The following MEMO1 variants were observed in gnomAD, a reference collection of about 807,000 sequenced individuals.
MEMO1 encodes the protein mediator of cell motility 1.
Under a neutral mutation model 45.2 loss-of-function variants are expected in MEMO1, and 6 were observed. That is an observed-to-expected ratio of 0.13 (90% CI 0.07 to 0.26). MEMO1 has a LOEUF of 0.26. Among genes scored for constraint, MEMO1 ranks in the 10% least tolerant of loss-of-function variants. The pLI is 1.00. For synonymous variants in MEMO1, 78 were observed against 124.3 expected, an observed-to-expected ratio of 0.63 and a Z score of 2.48; for missense variants, 184 against 370.5, an observed-to-expected ratio of 0.50 and a Z score of 4.13.
chr2:31,963,385 T>C, intron 2 of MEMO1: 1 of 1,089,518 alleles, frequency 9.2e-7, no homozygotes, highest in African/African-American at 1.6e-5. Context: ...GGACACTGAC[T>C]AATACTCCAA....
Position 31,961,095 on chromosome 2 carries a change from G to A in MEMO1, c.62-17712C>T, listed in dbSNP as rs78594448. On this transcript the variant is annotated intron_variant, in intron 2 of 9. Transcript: ENST00000404530. The stretch of plus-strand genomic sequence containing the variant: ...CAAGAGGCCAGGTGCAGTGACTCAC[G>A]CCTGTAAATCCCAGCACTTTGGGAG... Among the ~76,000 whole-genome samples, 892 of 152,272 alleles carry A rather than the reference G, an allele frequency of 5.9e-3. 4 individuals are homozygous for A. Among genetic ancestry groups the A allele is most frequent in the Middle Eastern group, 0.017 (5 of 292 alleles).
At chr2:31,871,986 C>G (rs1385373422) in intron 8 of MEMO1, among the ~76,000 whole-genome samples, 2 of 143,588 alleles carry the variant, frequency 1.4e-5, no homozygotes, top group Non-Finnish European at 3.0e-5. Flanking sequence ...TGCACTCCAG[C>G]CTGGGCGACA....
At position 31,875,827 on chromosome 2, in the gene MEMO1, C is replaced by A. The variant is rs140433826; in HGVS notation, c.658-5875G>T. ...TCAGCCTCCCGAGTAGCTGGGACTA[C>A]AGGCATGCACCACCATGCCCGACTA... On this transcript the variant is annotated intron_variant, in intron 8 of 9. Transcript: ENST00000404530. Among the ~76,000 whole-genome samples the A allele has an allele frequency of 9.7e-3, 1,469 of 152,198 alleles. 26 individuals are homozygous for A. The highest frequency in any genetic ancestry group is 0.047 in the South Asian group (225 of 4,810).
rs115203172 is a variant in MEMO1, at chr2:31,906,686, C to T, written c.437+11240G>A. On this transcript the variant is annotated intron_variant, in intron 6 of 9. Coordinates refer to ENST00000404530, the MANE Select transcript of MEMO1 (RefSeq NM_001301833.4). ...TTCCTTTGCTAAGAACTTTTATTAGCTCTGTACCAGTCACAGAATAAAATA... is the reference window on the plus strand; with the variant it reads ...TTCCTTTGCTAAGAACTTTTATTAGTTCTGTACCAGTCACAGAATAAAATA... Among the ~76,000 whole-genome samples the T allele has an allele frequency of 8.5e-3, 1,297 of 152,260 alleles. 19 individuals carry two copies. Among genetic ancestry groups the T allele is most frequent in the African/African-American group, 0.03 (1,238 of 41,540 alleles).
chr2:31,874,234 C>T (rs561204967), intron 8 of MEMO1, among the ~76,000 whole-genome samples: 1 of 152,130 alleles, frequency 6.6e-6, no homozygotes, highest in Non-Finnish European at 1.5e-5. Context: ...ATAACTATGA[C>T]TAATATTTCA....
chr2:32,004,544 G>A (rs565114105), intron 2 of MEMO1, among the ~76,000 whole-genome samples: 1 of 152,300 alleles, frequency 6.6e-6, no homozygotes, highest in African/African-American at 2.4e-5. Flanking sequence ...GCAAAGATGA[G>A]AAGCAACTGG....
rs111316057 is a variant in MEMO1, at chr2:31,961,236, T to C, written c.62-17853A>G. Among the ~76,000 whole-genome samples, 441 of 152,154 alleles carry C rather than the reference T, an allele frequency of 2.9e-3. 4 individuals carry two copies. The highest frequency in any genetic ancestry group is 0.01 in the African/African-American group (417 of 41,518). Reference sequence around the variant, plus strand: ...AGCTGGGTGTGGCGGCAAGTGCCTATAATCTCAGCTACTCAGGAGGCTGAG... The same window carrying C: ...AGCTGGGTGTGGCGGCAAGTGCCTACAATCTCAGCTACTCAGGAGGCTGAG... On this transcript the variant is annotated intron_variant, in intron 2 of 9. Coordinates refer to ENST00000404530, the MANE Select transcript of MEMO1 (RefSeq NM_001301833.4).
At chr2:31,941,641 G>C (rs977192740) in intron 3 of MEMO1, among the ~76,000 whole-genome samples, 1 of 152,206 alleles carries the variant, frequency 6.6e-6, no homozygotes, top group African/African-American at 2.4e-5. Flanking sequence ...GTCATTTGCT[G>C]TAAGTTTTAT....
At chr2:31,947,309 G>C (rs988206484) in intron 2 of MEMO1, among the ~76,000 whole-genome samples, 1 of 152,150 alleles carries the variant, frequency 6.6e-6, no homozygotes, top group Non-Finnish European at 1.5e-5. Flanking sequence ...AGGACGCTAA[G>C]GTAAGAGCCA....
At chr2:32,007,188 TC>T (rs983510536) in intron 2 of MEMO1, among the ~76,000 whole-genome samples, 3 of 152,086 alleles carry the variant, frequency 2.0e-5, no homozygotes, top group African/African-American at 7.2e-5. Context: ...CTGTGTACCT[TC>T]CATTCTTATT....
intron 6 of MEMO1, among the ~76,000 whole-genome samples, chr2:31,901,374 C>CAAAAAAAA (rs70964738): frequency 2.2e-4 from 5 of 22,684 alleles, no homozygotes; most frequent in East Asian, 3.5e-3. Flanking sequence ...CTCTGTCTCA[C>CAAAAAAAA]AAAAAAAAAA....
intron 2 of MEMO1, among the ~76,000 whole-genome samples, chr2:31,993,949 C>CTTTCTTTTT: frequency 1.4e-5 from 1 of 73,556 alleles, no homozygotes; most frequent in Non-Finnish European, 2.7e-5. Flanking sequence ...TCAATACTTT[C>CTTTCTTTTT]TTTTTTTTTT....
intron 2 of MEMO1, among the ~76,000 whole-genome samples, chr2:32,009,833 G>A (rs947163361): frequency 1.4e-4 from 21 of 152,242 alleles, no homozygotes; most frequent in Non-Finnish European, 2.5e-4. Flanking sequence ...CACGCTTCCT[G>A]CAAGCCAGAG....
chr2:31,930,132 G>A (rs924002185), intron 4 of MEMO1, among the ~76,000 whole-genome samples: 2 of 152,152 alleles, frequency 1.3e-5, no homozygotes, highest in African/African-American at 4.8e-5. Flanking sequence ...GTGTGGTGGC[G>A]TGCACCTGTA....
At chr2:31,948,670 G>A (rs934514244) in intron 2 of MEMO1, among the ~76,000 whole-genome samples, 4 of 152,326 alleles carry the variant, frequency 2.6e-5, no homozygotes, top group African/African-American at 4.8e-5. Flanking sequence ...AGGCCAAAGC[G>A]GGTAGATCAT....
intron 2 of MEMO1, among the ~76,000 whole-genome samples, chr2:31,953,739 GAGCCACCGTGCCC>G (rs1220793775): frequency 3.3e-5 from 5 of 152,060 alleles, no homozygotes; most frequent in African/African-American, 7.2e-5. Flanking sequence ...TTACAGGTGT[GAGCCACCGTGCCC>G]AGCCCCTTTA....
intron 6 of MEMO1, among the ~76,000 whole-genome samples, chr2:31,894,741 G>C (rs1190440996): frequency 2.0e-5 from 3 of 152,150 alleles, no homozygotes; most frequent in Non-Finnish European, 4.4e-5. Flanking sequence ...AGGGTCTTAG[G>C]TCTAAGACAA....
intron 2 of MEMO1, among the ~76,000 whole-genome samples, chr2:31,996,506 T>C (rs2148573492): frequency 6.6e-6 from 1 of 151,856 alleles, no homozygotes; most frequent in East Asian, 1.9e-4. Context: ...ATCGTGCCAC[T>C]GCACTCCAGC....
intron 2 of MEMO1, among the ~76,000 whole-genome samples, chr2:31,989,149 T>C (rs537626195): frequency 6.6e-6 from 1 of 150,568 alleles, no homozygotes; most frequent in Non-Finnish European, 1.5e-5. Flanking sequence ...GAGGTTGCGG[T>C]GAGCCGAGCC....
Sources: gnomAD v4.1 joint callset for allele counts (sites outside exome capture counted in the v4.1 genomes callset) on GRCh38, gnomAD v4.1.1 for gene constraint, MANE v1.5 for transcripts, NCBI Gene and HGNC (gene_info 2026-07-23, HGNC 2026-07-21) for gene names.